Variants in TAFA1 observed in about 807,000 individuals in gnomAD.
TAFA1 encodes chemokine-like protein TAFA-1.
In TAFA1, 4 loss-of-function variants were observed where a neutral mutation model predicts 18.5. The ratio of observed to expected loss-of-function variants is 0.22; its 90% CI spans 0.11 to 0.49. The LOEUF is 0.49. Ranked by LOEUF, TAFA1 falls within the 20% of genes least tolerant of loss-of-function variation. TAFA1 has a pLI of 0.98. For missense variants in TAFA1, 147 were observed against 169.0 expected, an observed-to-expected ratio of 0.87 and a Z score of 0.72; for synonymous variants, 56 against 55.2, an observed-to-expected ratio of 1.01 and a Z score of -0.06.
At chr3:68,381,423 C>G (rs1489196300) in intron 2 of TAFA1, among the ~76,000 whole-genome samples, 5 of 151,816 alleles carry the variant, frequency 3.3e-5, no homozygotes, top group Non-Finnish European at 7.4e-5. Flanking sequence ...TCTTCCATTT[C>G]TTTGTAGCCT....
intron 3 of TAFA1, among the ~76,000 whole-genome samples, chr3:68,449,591 C>G (rs1180141864): frequency 6.6e-6 from 1 of 152,064 alleles, no homozygotes; most frequent in African/African-American, 2.4e-5. Flanking sequence ...GAAGACTACC[C>G]TCTCTCCAAA....
rs968537961 is a variant in TAFA1 at position 68,544,972 on chromosome 3, T to C, written c.*469T>C. ...TCTTTTTCTAACGGCAAGGAAGATA[T>C]GTGCCCTTTTGAGAATTCAAGATGG... On this transcript the variant is annotated 3_prime_UTR_variant, in exon 5 of 5. Transcript: ENST00000478136. 1.3e-5 allele frequency: 2 copies of C among 152,504 alleles called. No individual in the cohort carries two copies. Among genetic ancestry groups the C allele is most frequent in the African/African-American group, 4.8e-5 (2 of 41,432 alleles). The allele number at this position is 152,504 out of a possible 1,614,324, so 9.4% of individuals were successfully genotyped here. A position where few individuals can be genotyped will look rare whatever the true frequency, so the allele number is the denominator to read the frequency against.
intron 2 of TAFA1, among the ~76,000 whole-genome samples, chr3:68,129,129 G>C (rs894415000): frequency 1.3e-5 from 2 of 152,200 alleles, no homozygotes; most frequent in African/African-American, 2.4e-5. Context: ...AGTGGGGCAG[G>C]AGGGGGTTTG....
At chr3:68,163,629 T>A (rs527305478) in intron 2 of TAFA1, among the ~76,000 whole-genome samples, 1 of 152,352 alleles carries the variant, frequency 6.6e-6, no homozygotes, top group East Asian at 1.9e-4. Flanking sequence ...CACCCTGGAC[T>A]GAAATTACTA....
intron 2 of TAFA1, among the ~76,000 whole-genome samples, chr3:68,065,206 T>A (rs752994602): frequency 2.6e-5 from 4 of 152,216 alleles, no homozygotes; most frequent in Non-Finnish European, 5.9e-5. Context: ...TTAATTTTTA[T>A]TGGGGCACAG....
At chr3:68,522,311 G>T (rs994894858) in intron 3 of TAFA1, among the ~76,000 whole-genome samples, 1 of 152,128 alleles carries the variant, frequency 6.6e-6, no homozygotes, top group Admixed American at 6.5e-5. Flanking sequence ...ATGAGAACAC[G>T]TATTTGGATT....
rs116265134 is a variant in TAFA1 at position 68,233,108 on chromosome 3, C to T, written c.119-184172C>T. Reference sequence around the variant, plus strand: ...TTTGCATTTCCCTGATAATTAGTGACATTGAGCATTTTTTCATTTATTTGC... The same window carrying T: ...TTTGCATTTCCCTGATAATTAGTGATATTGAGCATTTTTTCATTTATTTGC... On this transcript the variant is annotated intron_variant, in intron 2 of 4. Transcript: ENST00000478136. Among the ~76,000 whole-genome samples, 1,189 of 152,158 alleles carry T rather than the reference C, an allele frequency of 7.8e-3. 21 individuals carry two copies. The highest frequency in any genetic ancestry group is 0.027 in the African/African-American group (1,136 of 41,520).
chr3:68,312,619 C>T (rs2068539387), intron 2 of TAFA1, among the ~76,000 whole-genome samples: 1 of 152,174 alleles, frequency 6.6e-6, no homozygotes, highest in Non-Finnish European at 1.5e-5. Context: ...CCACCTCATT[C>T]TGGACTTTAT....
intron 2 of TAFA1, among the ~76,000 whole-genome samples, chr3:68,106,268 T>C (rs1160129738): frequency 2.0e-5 from 3 of 152,032 alleles, no homozygotes; most frequent in Non-Finnish European, 4.4e-5. Context: ...AAATTAGAAC[T>C]ATGAAACTTT....
chr3:68,405,200 A>T (rs913295493), intron 2 of TAFA1, among the ~76,000 whole-genome samples: 3 of 152,172 alleles, frequency 2.0e-5, no homozygotes, highest in African/African-American at 7.2e-5. Context: ...CATTACACTT[A>T]TCTGTGAACA....
At chr3:68,418,071 C>T (rs2070875594) in intron 3 of TAFA1, among the ~76,000 whole-genome samples, 1 of 151,982 alleles carries the variant, frequency 6.6e-6, no homozygotes, top group African/African-American at 2.4e-5. Context: ...CATGAAGGTC[C>T]AGCTCATTTG....
intron 2 of TAFA1, among the ~76,000 whole-genome samples, chr3:68,119,138 G>A (rs1006855870): frequency 4.0e-5 from 6 of 151,714 alleles, no homozygotes; most frequent in Admixed American, 2.0e-4. Context: ...CTAACATTGA[G>A]CATCTTTTCA....
At chr3:68,303,656 A>G (rs986615323) in intron 2 of TAFA1, among the ~76,000 whole-genome samples, 4 of 152,018 alleles carry the variant, frequency 2.6e-5, no homozygotes, top group Admixed American at 6.6e-5. Flanking sequence ...TCACTGTGTT[A>G]GCCGGGATGG....
At chr3:68,508,480 CT>C (rs113287348) in intron 3 of TAFA1, among the ~76,000 whole-genome samples, 30,668 of 151,894 alleles carry the variant, frequency 0.2, 3,177 homozygotes, top group Non-Finnish European at 0.23. Flanking sequence ...GCTGTGGATA[CT>C]GTTAGTTTTC....
intron 2 of TAFA1, among the ~76,000 whole-genome samples, chr3:68,056,691 A>T (rs1450453858): frequency 6.6e-6 from 1 of 152,128 alleles, no homozygotes; most frequent in Non-Finnish European, 1.5e-5. Flanking sequence ...AGGGTGTGGG[A>T]GATTTACATG....
At chr3:68,115,993 A>T (rs564861179) in intron 2 of TAFA1, among the ~76,000 whole-genome samples, 3 of 152,310 alleles carry the variant, frequency 2.0e-5, no homozygotes, top group South Asian at 4.1e-4. Context: ...ACGGTGGCTC[A>T]CGCCTGTAAT....
At chr3:68,234,477 G>C (rs776181156) in intron 2 of TAFA1, among the ~76,000 whole-genome samples, 5 of 152,192 alleles carry the variant, frequency 3.3e-5, no homozygotes, top group Non-Finnish European at 7.3e-5. Flanking sequence ...ACCCGAAGGA[G>C]AGTATTTAGG....
intron 3 of TAFA1, among the ~76,000 whole-genome samples, chr3:68,469,794 A>G (rs2071960996): frequency 1.3e-5 from 2 of 152,208 alleles, no homozygotes; most frequent in Admixed American, 1.3e-4. Context: ...TGATTCTGGT[A>G]TGTATTAATT....
intron 2 of TAFA1, among the ~76,000 whole-genome samples, chr3:68,269,164 C>A (rs2067609743): frequency 6.6e-6 from 1 of 152,126 alleles, no homozygotes; most frequent in African/African-American, 2.4e-5. Context: ...ATTAAAGATG[C>A]AGATTCTGGT....
Sources: allele counts gnomAD v4.1 joint callset (sites outside exome capture counted in the v4.1 genomes callset), GRCh38; gene constraint gnomAD v4.1.1; transcripts MANE v1.5; gene names NCBI Gene and HGNC (gene_info 2026-07-23, HGNC 2026-07-21).